The following TAF3 variants were observed in gnomAD, a reference collection of about 807,000 sequenced individuals.
The protein encoded by TAF3 is transcription initiation factor TFIID subunit 3.
Under a neutral mutation model 80.6 loss-of-function variants are expected in TAF3, and 7 were observed. That is an observed-to-expected ratio of 0.09 (90% CI 0.05 to 0.16). The LOEUF is 0.16. Among genes scored for constraint, TAF3 ranks in the 10% least tolerant of loss-of-function variants. TAF3 has a pLI of 1.00. For synonymous variants in TAF3, 444 were observed against 446.1 expected, an observed-to-expected ratio of 1.00 and a Z score of 0.06; for missense variants, 921 against 1,140.2, an observed-to-expected ratio of 0.81 and a Z score of 2.77.
At chr10:7,842,970 C>G (rs12414427) in intron 2 of TAF3, among the ~76,000 whole-genome samples, 2 of 152,128 alleles carry the variant, frequency 1.3e-5, no homozygotes, top group African/African-American at 2.4e-5. Flanking sequence ...TAATATCCTC[C>G]GGAATTCTTT....
At chr10:8,005,225 C>G (rs1476000333) in intron 4 of TAF3, among the ~76,000 whole-genome samples, 2 of 152,192 alleles carry the variant, frequency 1.3e-5, no homozygotes, top group Admixed American at 1.3e-4. Flanking sequence ...GTCTTTGTCT[C>G]TTCATACTAG....
At chr10:7,868,841 A>C (rs1414535844) in intron 2 of TAF3, among the ~76,000 whole-genome samples, 1 of 152,230 alleles carries the variant, frequency 6.6e-6, no homozygotes, top group Admixed American at 6.5e-5. Flanking sequence ...AAGTATTCAC[A>C]TCACCATTTT....
chr10:7,896,545 A>G (rs12569620), intron 2 of TAF3, among the ~76,000 whole-genome samples: 29,833 of 152,054 alleles, frequency 0.2, 2,997 homozygotes, highest in East Asian at 0.29. Context: ...TGCATGCCAC[A>G]TTCTGTAACC....
intron 2 of TAF3, among the ~76,000 whole-genome samples, chr10:7,879,202 A>G (rs1297061206): frequency 6.6e-6 from 1 of 152,168 alleles, no homozygotes; most frequent in Admixed American, 6.5e-5. Flanking sequence ...TATATGTTCT[A>G]TTTGCCCTTT....
intron 2 of TAF3, among the ~76,000 whole-genome samples, chr10:7,858,239 T>C (rs1214554948): frequency 6.6e-6 from 1 of 152,164 alleles, no homozygotes; most frequent in Non-Finnish European, 1.5e-5. Context: ...GAATATAAGA[T>C]CCTCCTCTTT....
At chr10:7,864,248 AC>A (rs1217104186) in intron 2 of TAF3, among the ~76,000 whole-genome samples, 10 of 152,104 alleles carry the variant, frequency 6.6e-5, no homozygotes, top group Non-Finnish European at 1.2e-4. Context: ...TCCCTCCCTT[AC>A]CCCAACCTGT....
rs562782666 is a variant in TAF3 at position 7,830,284 on chromosome 10, A to G, written c.409+5724A>G. Among the ~76,000 whole-genome samples, 4 of 151,982 alleles carry G rather than the reference A, an allele frequency of 2.6e-5. No individual in the cohort carries two copies. In the East Asian group the frequency reaches 5.8e-4, roughly 22 times the overall value. Reference sequence around the variant, plus strand: ...TTCAAGAAACAGAACTTTACCAGCTATCTCAGAATAGCTTCTATGTGCCCA... The same window carrying G: ...TTCAAGAAACAGAACTTTACCAGCTGTCTCAGAATAGCTTCTATGTGCCCA... On this transcript the variant is annotated intron_variant, in intron 2 of 6. Transcript: ENST00000344293.
intron 2 of TAF3, among the ~76,000 whole-genome samples, chr10:7,926,333 A>G (rs1446688362): frequency 2.0e-5 from 3 of 152,192 alleles, no homozygotes; most frequent in Non-Finnish European, 4.4e-5. Context: ...GTGAATGTTC[A>G]GTAATTCCTG....
At chr10:7,881,316 T>C (rs1837359390) in intron 2 of TAF3, among the ~76,000 whole-genome samples, 2 of 152,070 alleles carry the variant, frequency 1.3e-5, no homozygotes, top group Non-Finnish European at 1.5e-5. Flanking sequence ...AATACTTTAC[T>C]GTATCTTGAG....
chr10:7,974,310 T>C (rs1481367566), intron 3 of TAF3, among the ~76,000 whole-genome samples: 1 of 151,542 alleles, frequency 6.6e-6, no homozygotes. Flanking sequence ...CAGCCAAGAG[T>C]GATGTTGGCT....
chr10:7,861,016 C>T (rs1418200612), intron 2 of TAF3, among the ~76,000 whole-genome samples: 1 of 151,522 alleles, frequency 6.6e-6, no homozygotes, highest in Non-Finnish European at 1.5e-5. Flanking sequence ...GGCTGGAGTG[C>T]AGTGGCGCCA....
chr10:7,833,626 C>T (rs138616376), intron 2 of TAF3: 105 of 166,448 alleles, frequency 6.3e-4, no homozygotes, highest in African/African-American at 2.4e-3. Flanking sequence ...TTTTTCTTTT[C>T]AACATCCTGT....
chr10:7,900,645 C>G (rs537840504), intron 2 of TAF3, among the ~76,000 whole-genome samples: 4 of 152,234 alleles, frequency 2.6e-5, no homozygotes, highest in African/African-American at 9.6e-5. Flanking sequence ...GATTCAGATT[C>G]TTTTAATTAC....
At chr10:7,833,455 G>A (rs1440719400) in intron 2 of TAF3, among the ~76,000 whole-genome samples, 1 of 152,098 alleles carries the variant, frequency 6.6e-6, no homozygotes, top group African/African-American at 2.4e-5. Flanking sequence ...TAGTAATGTT[G>A]AACATTTTTT....
At chr10:7,950,507 A>T (rs1838071937) in intron 2 of TAF3, among the ~76,000 whole-genome samples, 2 of 152,228 alleles carry the variant, frequency 1.3e-5, no homozygotes, top group South Asian at 4.1e-4. Flanking sequence ...TAGTTCATGA[A>T]GCATATTTAT....
intron 2 of TAF3, among the ~76,000 whole-genome samples, chr10:7,947,184 T>C (rs942662336): frequency 2.0e-5 from 3 of 152,232 alleles, no homozygotes; most frequent in Non-Finnish European, 2.9e-5. Flanking sequence ...TCTGCTGTTA[T>C]TGAAATGTCG....
chr10:7,869,343 C>T (rs1311667954), intron 2 of TAF3, among the ~76,000 whole-genome samples: 5 of 152,022 alleles, frequency 3.3e-5, no homozygotes, highest in African/African-American at 9.7e-5. Context: ...TAAATACATA[C>T]GTACATAGAT....
intron 3 of TAF3, among the ~76,000 whole-genome samples, chr10:7,968,017 G>A (rs921593655): frequency 4.6e-5 from 7 of 152,216 alleles, no homozygotes; most frequent in Admixed American, 1.3e-4. Context: ...CTTCAACCCC[G>A]TTTAAATCCC....
In TAF3 at chr10:7,890,101, C is replaced by T. The variant is rs925381652; in HGVS notation, c.409+65541C>T. 5.9e-5 allele frequency among the ~76,000 whole-genome samples: 9 copies of T among 152,274 alleles called. No individual in the cohort carries two copies. The Middle Eastern group carries it at 0.014, about 230-fold the overall frequency. The stretch of plus-strand genomic sequence containing the variant: ...ATGGCAGGTAAGACCTTTCATGAAC[C>T]GGCTTCTGCCCAGTTTCACTCTCAG... On this transcript the variant is annotated intron_variant, in intron 2 of 6. Coordinates refer to ENST00000344293, the MANE Select transcript of TAF3 (RefSeq NM_031923.4).
Sources: gnomAD v4.1 joint callset for allele counts (sites outside exome capture counted in the v4.1 genomes callset) on GRCh38, gnomAD v4.1.1 for gene constraint, MANE v1.5 for transcripts, NCBI Gene and HGNC (gene_info 2026-07-23, HGNC 2026-07-21) for gene names.